Variants in COL1A2 observed in about 807,000 individuals in gnomAD.
COL1A2 encodes collagen type I alpha 2 chain, also known as collagen alpha-2(I) chain.
In COL1A2, 49 loss-of-function variants were observed where a neutral mutation model predicts 174.3. The observed-to-expected ratio is 0.28, with a 90% CI of 0.22 to 0.36. The LOEUF is 0.36. Among genes scored for constraint, COL1A2 ranks in the 10% least tolerant of loss-of-function variants. COL1A2 has a pLI of 1.00. For synonymous variants in COL1A2, 655 were observed against 606.6 expected (o/e 1.08, Z -1.17); for missense variants, 1,438 against 1,822.7 (o/e 0.79, Z 3.84).
rs1792331363 is a variant in COL1A2, at chr7:94,428,396, C to CGG, written c.3630_3631insGG (p.Ile1211GlyfsTer19). ...CCTGTATCCGGGCCCAACCTGAAAA[C>CGG]ATCCCAGCCAAGAACTGGTATAGGA... On this transcript the variant is annotated frameshift_variant, in exon 50 of 52. Transcript: ENST00000297268. LOFTEE classifies it high-confidence loss of function. 1 of 1,614,004 alleles carries CGG rather than the reference C, an allele frequency of 6.2e-7. No individual in the cohort carries two copies. The highest frequency in any genetic ancestry group is 8.5e-7 in the Non-Finnish European group (1 of 1,180,000).
chr7:94,403,158 A>T (rs1791719942), intron 6 of COL1A2, among the ~76,000 whole-genome samples: 1 of 152,202 alleles, frequency 6.6e-6, no homozygotes, highest in Non-Finnish European at 1.5e-5. Flanking sequence ...AAGCCCACTA[A>T]GCTGGGAAAA....
chr7:94,425,909 T>C (rs1281826631), intron 44 of COL1A2, 52 bp downstream of exon 44: 42 of 1,604,018 alleles, frequency 2.6e-5, no homozygotes, highest in Non-Finnish European at 3.3e-5. Context: ...GGGCTTCACT[T>C]CTGACTTCCC....
Position 94,427,005 on chromosome 7 carries a change from A to T in COL1A2, c.3106-3A>T, listed in dbSNP as rs1792292542. On this transcript the variant is annotated splice_polypyrimidine_tract_variant and splice_region_variant and intron_variant, in intron 46 of 51. Transcript: ENST00000297268. ...GTGTGATTTTCCTCTTCTGTCTTTAAAGGGTCACCATGGTGATCAAGGTGC... is the reference window on the plus strand; with the variant it reads ...GTGTGATTTTCCTCTTCTGTCTTTATAGGGTCACCATGGTGATCAAGGTGC... The T allele has an allele frequency of 6.2e-7, 1 of 1,613,426 alleles. No homozygotes were observed. The highest frequency in any genetic ancestry group is 1.3e-5 in the African/African-American group (1 of 74,862).
chr7:94,396,336 G>GTC (rs1554394417), intron 1 of COL1A2, among the ~76,000 whole-genome samples: 2 of 151,032 alleles, frequency 1.3e-5, no homozygotes, highest in African/African-American at 4.9e-5. Flanking sequence ...GTGTGTGTGT[G>GTC]TGTGTGTCTG....
At chr7:94,409,642 A>T (rs372049134) in intron 18 of COL1A2, 34 bp downstream of exon 18, 1 of 1,613,978 alleles carries the variant, frequency 6.2e-7, no homozygotes, top group Non-Finnish European at 8.5e-7. Context: ...ATGTGCTGCT[A>T]TGATTTTAAA....
Position 94,397,755 on chromosome 7 carries a change from A to G in COL1A2, c.78A>G (p.Gln26=), listed in dbSNP as rs757027144. ...TCTTTTTTTTTTCTACAGCTTTACA[A>G]GAGGTGAGTAAAACTTTTTTTAGAA... ...TLCLATCQSL[Q]EETVRKGPAG... Residue 26 remains glutamine, a synonymous_variant, in exon 2 of 52, where the codon CAA becomes CAG. Transcript: ENST00000297268. 8.3e-6 allele frequency: 11 copies of G among 1,319,274 alleles called. No homozygotes were observed. The highest frequency in any genetic ancestry group is 4.9e-5 in the South Asian group (4 of 81,692). 81.7% of individuals were successfully genotyped at this position (1,319,274 alleles called of 1,614,324 possible).
rs576011017 is a variant in COL1A2, at chr7:94,421,275, C to A, written c.2349+213C>A. 26 of 620,254 alleles carry A rather than the reference C, an allele frequency of 4.2e-5. No homozygotes were observed. The East Asian group carries it at 6.4e-4, about 15-fold the overall frequency. 38.4% of individuals were successfully genotyped at this position (620,254 alleles called of 1,614,324 possible). On this transcript the variant is annotated intron_variant, in intron 38 of 51. Coordinates refer to ENST00000297268, the MANE Select transcript of COL1A2 (RefSeq NM_000089.4). ...CTATCAGCTCACTTGAGGTAATAAC[C>A]AAGGTGGGCCCTAGGCAGTTTAATT...
chr7:94,410,295 C>G lies in COL1A2; in HGVS notation c.1089C>G (p.Pro363=), dbSNP rs748961276. The G allele has an allele frequency of 1.2e-5, 19 of 1,613,914 alleles. No homozygotes were observed. Among genetic ancestry groups the G allele is most frequent in the Non-Finnish European group, 1.6e-5 (19 of 1,179,990 alleles). ...SKGESGNKGE[P]GSAGPQGPPG... is the part of the protein sequence containing the mutation. ...GAGAGAGCGGTAACAAGGGTGAGCCCGTAAGTAGCTCTATCATCACACTTT... is the reference window on the plus strand; with the variant it reads ...GAGAGAGCGGTAACAAGGGTGAGCCGGTAAGTAGCTCTATCATCACACTTT... Residue 363 remains proline (P), a splice_region_variant and synonymous_variant, in exon 20 of 52, where the codon CCC becomes CCG. Coordinates refer to ENST00000297268, the MANE Select transcript of COL1A2 (RefSeq NM_000089.4).
intron 25 of COL1A2, 21 bp downstream of exon 25, chr7:94,412,703 C>G: frequency 6.2e-7 from 1 of 1,606,656 alleles, no homozygotes; most frequent in South Asian, 1.1e-5. Context: ...CCACAACTTT[C>G]TTACCCTCAG....
Position 94,409,696 on chromosome 7 carries a change from T to A in COL1A2, c.937-27T>A, listed in dbSNP as rs566303844. On this transcript the variant is annotated intron_variant, in intron 18 of 51. Coordinates refer to ENST00000297268, the MANE Select transcript of COL1A2 (RefSeq NM_000089.4). ...CCTCTACAGCCCATCACCTCCCTAATGGACCACACTGCATTTTCCTTCACA... is the reference window on the plus strand; with the variant it reads ...CCTCTACAGCCCATCACCTCCCTAAAGGACCACACTGCATTTTCCTTCACA... 7 of 1,613,940 alleles carry A rather than the reference T, an allele frequency of 4.3e-6. No individual in the cohort carries two copies. In the African/African-American group the frequency reaches 6.7e-5, roughly 15 times the overall value.
At chr7:94,416,608 C>T (rs1375852407) in intron 31 of COL1A2, 105 bp downstream of exon 31, 2 of 927,880 alleles carry the variant, frequency 2.2e-6, no homozygotes, top group African/African-American at 3.3e-5. Flanking sequence ...TTATTTATTT[C>T]CAGTTCTGTG....
chr7:94,397,800 TC>T, intron 2 of COL1A2, 42 bp downstream of exon 2: 1 of 1,184,708 alleles, frequency 8.4e-7, no homozygotes, highest in Non-Finnish European at 1.2e-6. Flanking sequence ...ATACTTTGAT[TC>T]CCTTGGCTAC....
At chr7:94,406,356 T>C (rs1791797169) in intron 12 of COL1A2, 53 bp downstream of exon 12, 3 of 1,549,928 alleles carry the variant, frequency 1.9e-6, no homozygotes, top group Non-Finnish European at 2.7e-6. Flanking sequence ...AAATTCCCCA[T>C]GACCTCCAAA....
intron 38 of COL1A2, 37 bp from the exon 39 acceptor site, chr7:94,421,862 A>T (rs1015157520): frequency 3.8e-6 from 6 of 1,593,722 alleles, no homozygotes; most frequent in Non-Finnish European, 4.3e-6. Flanking sequence ...CTTGGAGTTG[A>T]TGTTGACTGT....
At chr7:94,421,758 C>T in intron 38 of COL1A2, 141 bp from the exon 39 acceptor site, 2 of 665,820 alleles carry the variant, frequency 3.0e-6, no homozygotes, top group Non-Finnish European at 2.7e-6. Context: ...TAAATAATGC[C>T]CTATATGAAG....
At chr7:94,410,984 C>T in intron 22 of COL1A2, 42 bp downstream of exon 22, 16 of 1,610,160 alleles carry the variant, frequency 9.9e-6, no homozygotes, top group Non-Finnish European at 1.4e-5. Flanking sequence ...GGGCTTGCTG[C>T]TTCTGGTGGT....
chr7:94,412,444 G>T, intron 24 of COL1A2, 140 bp from the exon 25 acceptor site: 1 of 717,226 alleles, frequency 1.4e-6, no homozygotes. Context: ...AAGGAAAATG[G>T]ATTCATAATT....
chr7:94,422,491 C>T (rs768731197), intron 39 of COL1A2: 5 of 164,436 alleles, frequency 3.0e-5, no homozygotes, highest in Non-Finnish European at 4.0e-5. Flanking sequence ...ATCTTCATTC[C>T]CTGTAGGCAT....
chr7:94,405,381 T>C (rs1173303915), intron 10 of COL1A2, 129 bp downstream of exon 10: 1 of 918,080 alleles, frequency 1.1e-6, no homozygotes, highest in Non-Finnish European at 1.7e-6. Context: ...AGGCATCTAA[T>C]AAAGAAAAAA....
Sources: allele counts gnomAD v4.1 joint callset (sites outside exome capture counted in the v4.1 genomes callset), GRCh38; gene constraint gnomAD v4.1.1; transcripts MANE v1.5; gene names NCBI Gene and HGNC (gene_info 2026-07-23, HGNC 2026-07-21).